PTPRD: variants seen among roughly 807,000 people sequenced by gnomAD.
PTPRD encodes receptor-type tyrosine-protein phosphatase delta.
PTPRD carries 34 observed loss-of-function variants against 214.5 expected under a neutral mutation model. The observed-to-expected ratio is 0.16, with a 90% CI of 0.12 to 0.21. The LOEUF is 0.21. PTPRD is among the 10% of genes least tolerant of loss of function. The probability of loss-of-function intolerance (pLI) is 1.00; values close to 1 mark genes in which losing one functional copy is unlikely to be tolerated. For synonymous variants in PTPRD, 1,128 were observed against 845.7 expected, an observed-to-expected ratio of 1.33 and a Z score of -5.79; for missense variants, 2,545 against 2,398.7, an observed-to-expected ratio of 1.06 and a Z score of -1.27.
intron 8 of PTPRD, among the ~76,000 whole-genome samples, chr9:9,535,413 A>T (rs2154267564): frequency 6.6e-6 from 1 of 152,216 alleles, no homozygotes; most frequent in South Asian, 2.1e-4. Flanking sequence ...TGAACCTATT[A>T]CCATCTTCAA....
chr9:10,293,591 A>G (rs1408840716), intron 3 of PTPRD, among the ~76,000 whole-genome samples: 1 of 152,012 alleles, frequency 6.6e-6, no homozygotes, highest in African/African-American at 2.4e-5. Context: ...ACAGTCTAAC[A>G]GTAAGATAAA....
intron 8 of PTPRD, among the ~76,000 whole-genome samples, chr9:9,403,799 C>T (rs561483540): frequency 6.6e-6 from 1 of 151,964 alleles, no homozygotes; most frequent in South Asian, 2.1e-4. Flanking sequence ...GGACATGTTT[C>T]CTACTTACAT....
intron 3 of PTPRD, among the ~76,000 whole-genome samples, chr9:10,221,061 T>C (rs1467507734): frequency 6.6e-6 from 1 of 152,048 alleles, no homozygotes; most frequent in African/African-American, 2.4e-5. Flanking sequence ...TGCTGTTTTC[T>C]TTTCCTCCAT....
chr9:9,550,575 A>T, intron 8 of PTPRD, among the ~76,000 whole-genome samples: 1 of 149,966 alleles, frequency 6.7e-6, no homozygotes, highest in East Asian at 1.9e-4. Context: ...TATATATCCC[A>T]ATTTATCCTA....
intron 4 of PTPRD, among the ~76,000 whole-genome samples, chr9:10,026,067 T>G (rs2096917486): frequency 6.6e-6 from 1 of 152,216 alleles, no homozygotes; most frequent in Non-Finnish European, 1.5e-5. Context: ...ATATGTCTCT[T>G]GCAATTGATG....
intron 5 of PTPRD, among the ~76,000 whole-genome samples, chr9:9,824,002 G>T (rs1383702237): frequency 6.6e-6 from 1 of 151,826 alleles, no homozygotes; most frequent in African/African-American, 2.4e-5. Flanking sequence ...CAACTATTAT[G>T]CATTCATAAA....
chr9:9,125,501 G>C (rs1189132669), intron 10 of PTPRD, among the ~76,000 whole-genome samples: 3 of 152,142 alleles, frequency 2.0e-5, no homozygotes, highest in Non-Finnish European at 4.4e-5. Flanking sequence ...AATTGTCTGA[G>C]AAAAGCAGTA....
At chr9:10,082,367 A>G (rs1015896007) in intron 3 of PTPRD, among the ~76,000 whole-genome samples, 12 of 152,128 alleles carry the variant, frequency 7.9e-5, no homozygotes, top group African/African-American at 2.4e-4. Flanking sequence ...ACAGCATATC[A>G]TAAGAGCAAT....
At chr9:10,173,745 A>T (rs757118863) in intron 3 of PTPRD, among the ~76,000 whole-genome samples, 1 of 151,854 alleles carries the variant, frequency 6.6e-6, no homozygotes, top group Non-Finnish European at 1.5e-5. Flanking sequence ...GTCAGTCCTC[A>T]TTCTTGAGGT....
At chr9:8,880,584 C>G (rs1027180810) in intron 11 of PTPRD, among the ~76,000 whole-genome samples, 1 of 152,096 alleles carries the variant, frequency 6.6e-6, no homozygotes, top group Admixed American at 6.5e-5. Context: ...ACTGCAAAGA[C>G]AAGCAAACAA....
chr9:9,609,102 G>T lies in PTPRD; in HGVS notation c.-286-34321C>A, dbSNP rs571759890. On this transcript the variant is annotated intron_variant, in intron 7 of 45. Transcript: ENST00000381196. ...TATTGCTTAAGAAGTGAAGAAATTG[G>T]ACTTACAATTTGTGCACATATACTT... is the stretch of plus-strand genomic sequence containing the variant. Among the ~76,000 whole-genome samples, 11 of 152,088 alleles carry T rather than the reference G, an allele frequency of 7.2e-5. No homozygotes were observed. In the South Asian group the frequency reaches 2.3e-3, roughly 32 times the overall value.
Position 9,976,588 on chromosome 9 carries a change from A to ATCTC in PTPRD, c.-471-37979_-471-37978insGAGA, listed in dbSNP as rs1434915157. Among the ~76,000 whole-genome samples the ATCTC allele has an allele frequency of 6.8e-5, 10 of 146,618 alleles. No homozygotes were observed. In the East Asian group the frequency reaches 8.2e-4, roughly 12 times the overall value. ...TTTTTAGTAGAGATGGGGTTTCACC[A>ATCTC]TGTTAGCCAGGCTGGTCTCAAAGTC... On this transcript the variant is annotated intron_variant, in intron 4 of 45. Transcript: ENST00000381196.
At chr9:9,833,013 C>G (rs1368292667) in intron 5 of PTPRD, among the ~76,000 whole-genome samples, 6 of 151,664 alleles carry the variant, frequency 4.0e-5, no homozygotes, top group Admixed American at 4.0e-4. Flanking sequence ...AAGAAAGATG[C>G]TTTACTGGAG....
At chr9:10,131,618 A>C (rs1339815008) in intron 3 of PTPRD, among the ~76,000 whole-genome samples, 1 of 152,182 alleles carries the variant, frequency 6.6e-6, no homozygotes, top group Non-Finnish European at 1.5e-5. Context: ...TTATTTTATA[A>C]TTATATATGA....
At chr9:10,380,375 G>A (rs77208345) in intron 2 of PTPRD, among the ~76,000 whole-genome samples, 2,892 of 152,152 alleles carry the variant, frequency 0.019, 71 homozygotes, top group African/African-American at 0.059. Flanking sequence ...AATAAAATAT[G>A]AGAGTAAGAT....
At chr9:10,063,226 T>A (rs1004844525) in intron 3 of PTPRD, among the ~76,000 whole-genome samples, 17 of 152,076 alleles carry the variant, frequency 1.1e-4, no homozygotes, top group Admixed American at 1.1e-3. Flanking sequence ...TCCACTTCTG[T>A]CAACGTTTTA....
intron 8 of PTPRD, among the ~76,000 whole-genome samples, chr9:9,468,771 G>A (rs1018174983): frequency 3.3e-5 from 5 of 151,988 alleles, no homozygotes; most frequent in African/African-American, 1.2e-4. Context: ...TTATATTTCT[G>A]AAATTAAATT....
intron 34 of PTPRD, among the ~76,000 whole-genome samples, chr9:8,439,345 T>C (rs1157411389): frequency 6.6e-6 from 1 of 152,230 alleles, no homozygotes; most frequent in African/African-American, 2.4e-5. Flanking sequence ...CTCTTCTTCA[T>C]AACTTTCATT....
At chr9:9,944,920 G>A (rs191039561) in intron 4 of PTPRD, among the ~76,000 whole-genome samples, 1 of 152,126 alleles carries the variant, frequency 6.6e-6, no homozygotes, top group African/African-American at 2.4e-5. Flanking sequence ...AAGTTAAAAT[G>A]AGAAGCAGAA....
Sources: allele counts gnomAD v4.1 joint callset (sites outside exome capture counted in the v4.1 genomes callset), GRCh38; gene constraint gnomAD v4.1.1; transcripts MANE v1.5; gene names NCBI Gene and HGNC (gene_info 2026-07-23, HGNC 2026-07-21).